IQGAP2: variants seen among roughly 807,000 people sequenced by gnomAD.
IQGAP2 encodes the protein IQ motif containing GTPase activating protein 2, also known as ras GTPase-activating-like protein IQGAP2.
Under a neutral mutation model 201.3 loss-of-function variants are expected in IQGAP2, and 173 were observed. That is an observed-to-expected ratio of 0.86 (90% CI 0.76 to 0.98). The LOEUF is 0.98. IQGAP2 is among the 50% of genes least tolerant of loss of function. IQGAP2 has a pLI of 0.00. For missense variants in IQGAP2, 1,687 were observed against 1,864.8 expected, an observed-to-expected ratio of 0.90 and a Z score of 1.76; for synonymous variants, 675 against 673.9, an observed-to-expected ratio of 1.00 and a Z score of -0.03.
intron 30 of IQGAP2, among the ~76,000 whole-genome samples, chr5:76,686,578 C>G (rs1391347137): frequency 6.6e-6 from 1 of 152,054 alleles, no homozygotes; most frequent in Non-Finnish European, 1.5e-5. Flanking sequence ...GGCATGATCT[C>G]GGGTCACTGC....
intron 13 of IQGAP2, chr5:76,623,366 G>T: frequency 1.0e-6 from 1 of 999,160 alleles, no homozygotes; most frequent in Non-Finnish European, 1.5e-6. Flanking sequence ...CCTGTGCCGT[G>T]CAGGCAGGAA....
chr5:76,590,640 G>C, intron 8 of IQGAP2, 54 bp downstream of exon 8: 1 of 1,351,810 alleles, frequency 7.4e-7, no homozygotes, highest in Non-Finnish European at 1.0e-6. Flanking sequence ...TGAGTTACTA[G>C]TTTGAAAAGC....
At chr5:76,643,031 C>G (rs916182390) in intron 17 of IQGAP2, among the ~76,000 whole-genome samples, 4 of 152,088 alleles carry the variant, frequency 2.6e-5, no homozygotes, top group African/African-American at 7.2e-5. Flanking sequence ...AAAAAAAAAT[C>G]TGTTCATAAA....
At chr5:76,636,998 GTGTC>G (rs771677372) in intron 15 of IQGAP2, 32 bp from the exon 16 acceptor site, 3 of 1,532,058 alleles carry the variant, frequency 2.0e-6, no homozygotes, top group Non-Finnish European at 2.7e-6. Context: ...AGGGTTCACT[GTGTC>G]TGTGTAGAAT....
At chr5:76,550,337 G>A (rs890162966) in intron 2 of IQGAP2, among the ~76,000 whole-genome samples, 18 of 148,272 alleles carry the variant, frequency 1.2e-4, no homozygotes, top group Middle Eastern at 3.4e-3. Context: ...GGCCCATTGG[G>A]CTGGCAGAAT....
rs1561611381 is a variant in IQGAP2 at position 76,701,141 on chromosome 5, C to T, written c.4433C>T (p.Pro1478Leu). ...CCCAAAGGGGCGAAGAGAGCGAAGCCAGTGAAGTACACTGCAGCAAAGCTG... is the reference window on the plus strand; with the variant it reads ...CCCAAAGGGGCGAAGAGAGCGAAGCTAGTGAAGTACACTGCAGCAAAGCTG... ...GEPKGAKRAK[P>L]VKYTAAKLHE... Residue 1478 changes from proline to leucine, a missense_variant, in exon 34 of 36, where the codon CCA (proline) becomes CTA (leucine). Physicochemically the swap from Pro to Leu is moderately conservative, Grantham distance 98. Transcript: ENST00000274364. The T allele has an allele frequency of 1.2e-6, 2 of 1,614,084 alleles. No homozygotes were observed. The highest frequency in any genetic ancestry group is 1.7e-6 in the Non-Finnish European group (2 of 1,179,886).
intron 35 of IQGAP2, among the ~76,000 whole-genome samples, chr5:76,703,024 G>A (rs1437206554): frequency 1.9e-5 from 2 of 107,366 alleles, no homozygotes; most frequent in Non-Finnish European, 3.6e-5. Flanking sequence ...GGGGGTGGGG[G>A]TGGGGCATTG....
chr5:76,701,005 T>A (rs1747330921), intron 33 of IQGAP2, 71 bp from the exon 34 acceptor site: 4 of 1,501,706 alleles, frequency 2.7e-6, no homozygotes, highest in Non-Finnish European at 3.7e-6. Flanking sequence ...ACTCTGAGTA[T>A]GGTAATCGCA....
intron 12 of IQGAP2, among the ~76,000 whole-genome samples, chr5:76,610,302 T>C (rs1290271023): frequency 2.0e-5 from 3 of 149,386 alleles, no homozygotes; most frequent in African/African-American, 4.9e-5. Flanking sequence ...TTAAAGATGA[T>C]GTACAAAGGG....
At chr5:76,437,318 G>A (rs1005265544) in intron 1 of IQGAP2, among the ~76,000 whole-genome samples, 2 of 152,114 alleles carry the variant, frequency 1.3e-5, no homozygotes, top group African/African-American at 2.4e-5. Context: ...CTCCCAAAGT[G>A]CTAGGATTAT....
At chr5:76,632,228 T>C (rs1213059863) in intron 15 of IQGAP2, among the ~76,000 whole-genome samples, 1 of 152,162 alleles carries the variant, frequency 6.6e-6, no homozygotes, top group African/African-American at 2.4e-5. Context: ...AGTGGCAATA[T>C]ATGGATGGCA....
Position 76,631,859 on chromosome 5 carries a change from G to A in IQGAP2, c.1613G>A (p.Trp538Ter). 6.3e-7 allele frequency: 1 copy of A among 1,575,182 alleles called. No individual in the cohort carries two copies. Among genetic ancestry groups the A allele is most frequent in the Non-Finnish European group, 8.6e-7 (1 of 1,157,380 alleles). The change falls in exon 15 of 36, where the codon TGG (tryptophan) becomes TAG (stop). Residue 538 changes from tryptophan (W) to a stop codon, truncating the protein, a stop_gained and splice_region_variant. Coordinates refer to ENST00000274364, the MANE Select transcript of IQGAP2 (RefSeq NM_006633.5). LOFTEE classifies it high-confidence loss of function. ...ANVDKDRAKQ[W>*]VTLVVDVNQC... ...AGAAACTTTTTTTTCAATTACCCAG[G>A]GGTTACTCTGGTGGTTGATGTTAAT...
intron 2 of IQGAP2, among the ~76,000 whole-genome samples, chr5:76,485,035 C>T: frequency 6.6e-6 from 1 of 152,144 alleles, no homozygotes; most frequent in East Asian, 1.9e-4. Flanking sequence ...TCCTGTGTTG[C>T]CCAGTCTGGT....
chr5:76,574,187 G>A (rs1580492102), intron 4 of IQGAP2, among the ~76,000 whole-genome samples: 1 of 152,126 alleles, frequency 6.6e-6, no homozygotes. Flanking sequence ...AGTAAATAAT[G>A]TCTAAATGAT....
Position 76,404,422 on chromosome 5 carries a change from T to C in IQGAP2, c.46+831T>C, listed in dbSNP as rs1750685018. 2.4e-5 allele frequency: 24 copies of C among 981,084 alleles called. No homozygotes were observed. In the South Asian group the frequency reaches 9.0e-4, roughly 37 times the overall value. 60.8% of individuals were successfully genotyped at this position (981,084 alleles called of 1,614,324 possible). The stretch of plus-strand genomic sequence containing the variant: ...AAACATGTGCCAGGAAGCATTTCCT[T>C]TAAAACAAACAGAAAGTTGGCCTGC... On this transcript the variant is annotated intron_variant, in intron 1 of 35. Transcript: ENST00000274364.
intron 21 of IQGAP2, among the ~76,000 whole-genome samples, chr5:76,661,620 G>C (rs1458058823): frequency 6.6e-6 from 1 of 152,098 alleles, no homozygotes. Context: ...ACCTCTCTCT[G>C]AGTGTGTTTT....
At chr5:76,481,820 G>C (rs1345599986) in intron 2 of IQGAP2, among the ~76,000 whole-genome samples, 1 of 152,188 alleles carries the variant, frequency 6.6e-6, no homozygotes, top group Non-Finnish European at 1.5e-5. Context: ...TACTTACATG[G>C]GGCTAGAAGC....
At chr5:76,628,451 A>T (rs1277216845) in intron 14 of IQGAP2, among the ~76,000 whole-genome samples, 2 of 152,232 alleles carry the variant, frequency 1.3e-5, no homozygotes, top group African/African-American at 4.8e-5. Context: ...CAGAATCCCC[A>T]CATTGGTTCA....
chr5:76,683,142 G>A lies in IQGAP2; in HGVS notation c.3688G>A (p.Ala1230Thr). The A allele has an allele frequency of 6.2e-7, 1 of 1,611,420 alleles. No homozygotes were observed. The highest frequency in any genetic ancestry group is 8.5e-7 in the Non-Finnish European group (1 of 1,178,654). Residue 1230 changes from alanine (A) to threonine (T), a missense_variant, in exon 29 of 36, where the codon GCC becomes ACC. Physicochemically the swap from Ala to Thr is moderately conservative, Grantham distance 58 (BLOSUM62 0). Coordinates refer to ENST00000274364, the MANE Select transcript of IQGAP2 (RefSeq NM_006633.5). ...SLLLEHQDAI[A>T]PEKNDLLSEL... is the part of the protein sequence containing the mutation. ...CCTGTTGGAACACCAGGATGCAATT[G>A]CCCCTGAGAAAAATGACTTACTGAG...
Sources: gnomAD v4.1 joint callset for allele counts (sites outside exome capture counted in the v4.1 genomes callset) on GRCh38, gnomAD v4.1.1 for gene constraint, MANE v1.5 for transcripts, NCBI Gene and HGNC (gene_info 2026-07-23, HGNC 2026-07-21) for gene names.